Variants in ZNF536 observed in about 807,000 individuals in gnomAD.
ZNF536 encodes zinc finger protein 536.
In ZNF536, 13 loss-of-function variants were observed where a neutral mutation model predicts 84.5. That is an observed-to-expected ratio of 0.15 (90% confidence interval 0.10 to 0.24). The LOEUF is 0.24. ZNF536 is among the 10% of genes least tolerant of loss of function. The probability of loss-of-function intolerance (pLI) is 1.00; values close to 1 mark genes in which losing one functional copy is unlikely to be tolerated. For synonymous variants in ZNF536, 811 were observed against 742.5 expected (o/e 1.09, Z -1.50); for missense variants, 1,536 against 1,747.5 (o/e 0.88, Z 2.16).
chr19:30,573,635 A>C (rs370762922), intron 1 of ZNF536, among the ~76,000 whole-genome samples: 36 of 152,346 alleles, frequency 2.4e-4, no homozygotes, highest in East Asian at 1.5e-3. Flanking sequence ...ACTGTCCATG[A>C]CAGAGTCCAT....
chr19:30,622,587 G>A (rs968444864), intron 1 of ZNF536, among the ~76,000 whole-genome samples: 1 of 152,070 alleles, frequency 6.6e-6, no homozygotes, highest in African/African-American at 2.4e-5. Flanking sequence ...AGTCCCTCTA[G>A]CAGGAGGCTT....
chr19:30,379,835 G>A (rs536861119), intron 1 of ZNF536, among the ~76,000 whole-genome samples: 10 of 152,266 alleles, frequency 6.6e-5, no homozygotes, highest in Middle Eastern at 3.4e-3. Context: ...GTGACTGCCC[G>A]TCACTCAGGA....
At chr19:30,453,327 G>A (rs1279684963) in intron 2 of ZNF536, among the ~76,000 whole-genome samples, 1 of 152,168 alleles carries the variant, frequency 6.6e-6, no homozygotes, top group Non-Finnish European at 1.5e-5. Context: ...GGTGCATGTG[G>A]GCTCTTTGCT....
chr19:30,689,267 G>A lies in ZNF536; in HGVS notation c.170-21490G>A, dbSNP rs151043635. Among the ~76,000 whole-genome samples, 66 of 152,270 alleles carry A rather than the reference G, an allele frequency of 4.3e-4. No individual in the cohort carries two copies. The East Asian group carries it at 7.9e-3, about 18-fold the overall frequency. On this transcript the variant is annotated intron_variant, in intron 1 of 1. Coordinates refer to the ZNF536 transcript ENST00000592773. ...CATCTGGAATTATTTGGAGCTTTAC[G>A]CTAACCTAACACTGGATATTATCCT...
intron 1 of ZNF536, among the ~76,000 whole-genome samples, chr19:30,383,682 TCCTTCCTTTCTTTTCTTTCTCTTTC>T: frequency 2.5e-5 from 1 of 40,118 alleles, no homozygotes; most frequent in African/African-American, 7.1e-5. Context: ...CTTCCTTTCT[TCCTTCCTTTCTTTTCTTTCTCTTTC>T]TTTCTTTCTT....
At chr19:30,425,502 G>A (rs933626596) in intron 1 of ZNF536, among the ~76,000 whole-genome samples, 2 of 152,142 alleles carry the variant, frequency 1.3e-5, no homozygotes, top group East Asian at 3.9e-4. Flanking sequence ...GGGCTCAAAT[G>A]TCACCAAGCA....
upstream of ZNF536, among the ~76,000 whole-genome samples, chr19:30,371,211 G>T (rs1427330403): frequency 6.6e-6 from 1 of 152,196 alleles, no homozygotes; most frequent in Non-Finnish European, 1.5e-5. Flanking sequence ...CCACCTCTTT[G>T]TTTTTTAAAT....
At chr19:30,315,389 A>T (rs548753934) in intron 2 of ZNF536, among the ~76,000 whole-genome samples, 2 of 152,246 alleles carry the variant, frequency 1.3e-5, no homozygotes, top group African/African-American at 4.8e-5. Flanking sequence ...TGGCCTGGAA[A>T]ATTGAGTCAG....
chr19:30,703,891 A>G (rs1361523630), intron 1 of ZNF536, among the ~76,000 whole-genome samples: 1 of 152,202 alleles, frequency 6.6e-6, no homozygotes, highest in African/African-American at 2.4e-5. Context: ...CTTGAGTTCT[A>G]GTGGTTGCCC....
At chr19:30,599,169 T>G (rs2047584006) in intron 1 of ZNF536, among the ~76,000 whole-genome samples, 1 of 109,806 alleles carries the variant, frequency 9.1e-6, no homozygotes, top group Non-Finnish European at 1.9e-5. Flanking sequence ...CTTCCCTCTT[T>G]CCCTCCTCTC....
downstream of ZNF536, among the ~76,000 whole-genome samples, chr19:30,561,278 G>C (rs2046154751): frequency 6.6e-6 from 1 of 152,210 alleles, no homozygotes; most frequent in Non-Finnish European, 1.5e-5. Flanking sequence ...AAGAGAGCTG[G>C]GGTTGACCAC....
chr19:30,253,909 C>G (rs763108379), intron 1 of ZNF536, among the ~76,000 whole-genome samples: 31 of 152,134 alleles, frequency 2.0e-4, no homozygotes, highest in Admixed American at 1.0e-3. Context: ...CTAATCCCAA[C>G]CCGATGCTTC....
At chr19:30,431,992 CAT>C (rs561025363) in intron 1 of ZNF536, among the ~76,000 whole-genome samples, 45 of 144,304 alleles carry the variant, frequency 3.1e-4, no homozygotes, top group East Asian at 7.5e-4. Flanking sequence ...TCATTAAAAG[CAT>C]ATATATATAT....
At chr19:30,361,145 T>C (rs1017577385) in intron 3 of ZNF536, among the ~76,000 whole-genome samples, 1 of 152,214 alleles carries the variant, frequency 6.6e-6, no homozygotes, top group Non-Finnish European at 1.5e-5. Flanking sequence ...TTTTAAGTTA[T>C]GTGTTTTACT....
intron 1 of ZNF536, among the ~76,000 whole-genome samples, chr19:30,389,659 A>G (rs2049498955): frequency 6.6e-6 from 1 of 152,152 alleles, no homozygotes; most frequent in African/African-American, 2.4e-5. Flanking sequence ...CCTTGAAGGT[A>G]CTGGCCCAGA....
chr19:30,229,911 C>T (rs1421765378), intron 1 of ZNF536, among the ~76,000 whole-genome samples: 2 of 152,180 alleles, frequency 1.3e-5, no homozygotes, highest in African/African-American at 4.8e-5. Context: ...CACTGACATA[C>T]ATGACAGGCC....
At chr19:30,471,145 T>C (rs2053618588) in intron 2 of ZNF536, among the ~76,000 whole-genome samples, 1 of 152,146 alleles carries the variant, frequency 6.6e-6, no homozygotes, top group Non-Finnish European at 1.5e-5. Context: ...GATGTTCTTC[T>C]CATGGTTAGA....
At chr19:30,578,664 C>T (rs1056086484) in intron 1 of ZNF536, among the ~76,000 whole-genome samples, 1 of 152,194 alleles carries the variant, frequency 6.6e-6, no homozygotes, top group South Asian at 2.1e-4. Context: ...ATCTTTTGAG[C>T]TCTTGAAATA....
chr19:30,548,089 G>A lies in ZNF536; in HGVS notation c.2470G>A (p.Glu824Lys), dbSNP rs766261343. 2.5e-6 allele frequency: 4 copies of A among 1,614,116 alleles called. No individual in the cohort carries two copies. The highest frequency in any genetic ancestry group is 1.7e-5 in the Admixed American group (1 of 60,010). The change falls in exon 4 of 5, where the codon GAG (glutamate) becomes AAG (lysine). Residue 824 changes from glutamate to lysine, a missense_variant. By Grantham distance (56) the Glu-to-Lys change is moderately conservative. Around this residue, in one of 8 missense-constraint regions of ZNF536, gnomAD observed 624 missense variants for 603.1 expected, o/e 1.03. Transcript: ENST00000355537. ...ACCCCCAAATCAAGACCACAAGGAT[G>A]AGATGTCAAGCAAAGCTTCTCTGTT... ...GQPPNQDHKD[E>K]MSSKASLFIR...
Sources: allele counts gnomAD v4.1 joint callset (sites outside exome capture counted in the v4.1 genomes callset), GRCh38; gene constraint gnomAD v4.1.1; regional missense constraint gnomAD v4.1.1; transcripts MANE v1.5; gene names NCBI Gene and HGNC (gene_info 2026-07-23, HGNC 2026-07-21).